CMYA5: variants seen among roughly 807,000 people sequenced by gnomAD.
CMYA5 encodes cardiomyopathy-associated protein 5.
CMYA5 carries 246 observed loss-of-function variants against 318.9 expected under a neutral mutation model. That is an observed-to-expected ratio of 0.77 (90% CI 0.70 to 0.86). The LOEUF (loss-of-function observed/expected upper bound fraction) is 0.86, where lower values mean the gene tolerates loss of function less well. CMYA5 is among the 40% of genes least tolerant of loss of function. The pLI is 0.00. For synonymous variants in CMYA5, 1,641 were observed against 1,729.5 expected, an observed-to-expected ratio of 0.95 and a Z score of 1.27; for missense variants, 4,589 against 4,678.2, an observed-to-expected ratio of 0.98 and a Z score of 0.56.
intron 9 of CMYA5, among the ~76,000 whole-genome samples, chr5:79,771,972 G>A (rs1386115355): frequency 1.3e-5 from 2 of 151,802 alleles, no homozygotes; most frequent in African/African-American, 4.8e-5. Flanking sequence ...ATCCCCTCTC[G>A]TTAATATTTT....
intron 9 of CMYA5, among the ~76,000 whole-genome samples, chr5:79,771,086 A>AT (rs1828848097): frequency 6.6e-6 from 1 of 150,800 alleles, no homozygotes. Flanking sequence ...AAAAAAAAAA[A>AT]CCAGACTTTT....
At chr5:79,798,799 G>C (rs1156455742) in intron 12 of CMYA5, among the ~76,000 whole-genome samples, 2 of 152,214 alleles carry the variant, frequency 1.3e-5, no homozygotes, top group Non-Finnish European at 2.9e-5. Flanking sequence ...AACCCCGCTG[G>C]TGGCAAGGCT....
intron 9 of CMYA5, among the ~76,000 whole-genome samples, chr5:79,772,142 C>T (rs772312885): frequency 2.0e-5 from 3 of 152,050 alleles, no homozygotes; most frequent in African/African-American, 2.4e-5. Context: ...GACCATCCAC[C>T]AATTTCATTA....
Position 79,738,340 on chromosome 5 carries a change from T to A in CMYA5, c.9575T>A (p.Leu3192Ter). The part of the protein sequence containing the change: ...FLEEPPALAF[L>*]YKDLYEEAVG... ...GAGGAGCCACCTGCACTTGCATTTT[T>A]ATATAAGGATCTGTATGAAGAAGCA... The change falls in exon 2 of 13, where the codon TTA becomes TAA. Residue 3192 changes from leucine (L) to a stop codon, truncating the protein, a stop_gained. Transcript: ENST00000446378. LOFTEE classifies it high-confidence loss of function. The A allele has an allele frequency of 6.2e-7, 1 of 1,613,742 alleles. No homozygotes were observed. The highest frequency in any genetic ancestry group is 1.1e-5 in the South Asian group (1 of 91,032).
chr5:79,799,329 G>A, intron 12 of CMYA5, 41 bp from the exon 13 acceptor site: 1 of 1,562,332 alleles, frequency 6.4e-7, no homozygotes, highest in Non-Finnish European at 8.7e-7. Context: ...AATTCCTTGA[G>A]ATTTCCAGAG....
rs112775484 is a variant in CMYA5, at chr5:79,759,739, A to G, written c.11260+837A>G. ...GCTTGGCGTCCTAACTCAGGTGCCC[A>G]ATTTGTAATCAGGAATGAATGGTAA... On this transcript the variant is annotated intron_variant, in intron 7 of 12. Transcript: ENST00000446378. 4.7e-3 allele frequency among the ~76,000 whole-genome samples: 718 copies of G among 152,312 alleles called. 1 individual carries two copies. Among genetic ancestry groups the G allele is most frequent in the African/African-American group, 0.016 (684 of 41,574 alleles).
chr5:79,767,022 G>A (rs1204045287), intron 9 of CMYA5, among the ~76,000 whole-genome samples: 1 of 152,132 alleles, frequency 6.6e-6, no homozygotes, highest in Non-Finnish European at 1.5e-5. Flanking sequence ...CTTCTTCCTG[G>A]TTTAGTCTTG....
At position 79,732,366 on chromosome 5, in the gene CMYA5, T is replaced by A. The variant is rs1450868321; in HGVS notation, c.3601T>A (p.Leu1201Met). ...AAAAGCTGCAGATGAACAGATGGCT[T>A]TGTCAAAAGTCAGAAAGGAAGAAAT... ...TLKAADEQMALSKVRKEEIVP... is the reference protein window; with the variant it reads ...TLKAADEQMAMSKVRKEEIVP... The change falls in exon 2 of 13, where the codon TTG becomes ATG. Residue 1201 changes from leucine to methionine, a missense_variant. This residue lies in a region of CMYA5 where 2,132 missense variants were observed against 2,131.3 expected (regional missense o/e 1.00). Coordinates refer to ENST00000446378, the MANE Select transcript of CMYA5 (RefSeq NM_153610.5). 6.2e-7 allele frequency: 1 copy of A among 1,613,598 alleles called. No homozygotes were observed. Among genetic ancestry groups the A allele is most frequent in the African/African-American group, 1.3e-5 (1 of 74,924 alleles).
In CMYA5 at chr5:79,733,353, C is replaced by G; in HGVS notation, c.4588C>G (p.Pro1530Ala). 1 of 1,613,514 alleles carries G rather than the reference C, an allele frequency of 6.2e-7. No homozygotes were observed. The highest frequency in any genetic ancestry group is 1.3e-5 in the African/African-American group (1 of 75,026). The change falls in exon 2 of 13, where the codon CCA becomes GCA. Residue 1530 changes from proline to alanine, a missense_variant. Around this residue, in one of 3 missense-constraint regions of CMYA5, gnomAD observed 2,132 missense variants for 2,131.3 expected, o/e 1.00. Coordinates refer to ENST00000446378, the MANE Select transcript of CMYA5 (RefSeq NM_153610.5). ...GGTGTTAGAGCCTGAACATGAGCTT[C>G]CACTCAGCCTATGGGGTGAGATAAA... Reference protein sequence around the residue: ...SEVLEPEHELPLSLWGEIKKK... With the variant: ...SEVLEPEHELALSLWGEIKKK...
At chr5:79,713,299 C>A (rs1438687485) in intron 1 of CMYA5, among the ~76,000 whole-genome samples, 1 of 97,554 alleles carries the variant, frequency 1.0e-5, no homozygotes, top group Non-Finnish European at 2.0e-5. Context: ...TGCACCCCGC[C>A]CCCACCCCCC....
intron 9 of CMYA5, chr5:79,763,500 A>G (rs1302178099): frequency 3.4e-5 from 11 of 328,084 alleles, no homozygotes; most frequent in Non-Finnish European, 6.2e-5. Flanking sequence ...ATTAGACAGG[A>G]TTTATGCATA....
Position 79,730,647 on chromosome 5 carries a change from G to A in CMYA5, c.1882G>A (p.Ala628Thr), listed in dbSNP as rs746313541. Residue 628 changes from alanine (A) to threonine (T), a missense_variant, in exon 2 of 13, where the codon GCA (alanine) becomes ACA (threonine). By Grantham distance (58) the Ala-to-Thr change is moderately conservative (BLOSUM62 0). Transcript: ENST00000446378. ...PSNVEAIAEH[A>T]VLSEEENEEF... ...CAATGTAGAAGCTATAGCTGAACATGCAGTTTTGTCAGAAGAAGAGAATGA... is the reference window on the plus strand; with the variant it reads ...CAATGTAGAAGCTATAGCTGAACATACAGTTTTGTCAGAAGAAGAGAATGA... 1 of 1,614,012 alleles carries A rather than the reference G, an allele frequency of 6.2e-7. No individual in the cohort carries two copies. The highest frequency in any genetic ancestry group is 8.5e-7 in the Non-Finnish European group (1 of 1,179,888).
intron 9 of CMYA5, among the ~76,000 whole-genome samples, chr5:79,781,704 A>C (rs1829018378): frequency 4.9e-5 from 3 of 61,660 alleles, no homozygotes; most frequent in Non-Finnish European, 7.5e-5. Flanking sequence ...TTATTTGCGT[A>C]GAGGTGTTTG....
intron 9 of CMYA5, among the ~76,000 whole-genome samples, chr5:79,784,461 C>CA (rs1303040736): frequency 2.0e-5 from 1 of 50,336 alleles, no homozygotes; most frequent in Non-Finnish European, 3.6e-5. Context: ...TCGAGCTTCC[C>CA]GGCTGCTTTG....
intron 12 of CMYA5, among the ~76,000 whole-genome samples, chr5:79,798,363 C>G (rs914515403): frequency 6.6e-6 from 1 of 152,114 alleles, no homozygotes; most frequent in Non-Finnish European, 1.5e-5. Context: ...CTCTCTTCTT[C>G]CATCTCTCAT....
chr5:79,744,054 T>C (rs1828271115), intron 3 of CMYA5, 132 bp downstream of exon 3: 4 of 521,934 alleles, frequency 7.7e-6, no homozygotes, highest in Admixed American at 3.8e-5. Context: ...TTCGGTTCCA[T>C]TCAAAGCGAG....
chr5:79,733,448 C>T lies in CMYA5; in HGVS notation c.4683C>T (p.Gly1561=). ...SPASKHIIPK[G]KDEETASSSP... Reference sequence around the variant, plus strand: ...CATCCAAACATATAATCCCAAAAGGCAAAGATGAGGAAACAGCAAGTTCAT... The same window carrying T: ...CATCCAAACATATAATCCCAAAAGGTAAAGATGAGGAAACAGCAAGTTCAT... The change falls in exon 2 of 13, where the codon GGC becomes GGT. Residue 1561 remains glycine, a synonymous_variant. Coordinates refer to ENST00000446378, the MANE Select transcript of CMYA5 (RefSeq NM_153610.5). 1 of 1,613,838 alleles carries T rather than the reference C, an allele frequency of 6.2e-7. No homozygotes were observed.
Position 79,733,065 on chromosome 5 carries a change from T to C in CMYA5, c.4300T>C (p.Leu1434=), listed in dbSNP as rs748995144. 1 of 1,613,478 alleles carries C rather than the reference T, an allele frequency of 6.2e-7. No homozygotes were observed. The highest frequency in any genetic ancestry group is 8.5e-7 in the Non-Finnish European group (1 of 1,179,704). Residue 1434 remains leucine (L), a synonymous_variant, in exon 2 of 13, where the codon TTA becomes CTA. Coordinates refer to ENST00000446378, the MANE Select transcript of CMYA5 (RefSeq NM_153610.5). ...TCCCATTGAAACTTCATCCAAACATTTAGCTTGGTCAGAAGCAGAGAAGGA... is the reference window on the plus strand; with the variant it reads ...TCCCATTGAAACTTCATCCAAACATCTAGCTTGGTCAGAAGCAGAGAAGGA... The part of the protein sequence containing the change: ...ASPIETSSKH[L]AWSEAEKEIK...
At chr5:79,754,134 A>G (rs924020376) in intron 6 of CMYA5, among the ~76,000 whole-genome samples, 8 of 152,162 alleles carry the variant, frequency 5.3e-5, no homozygotes, top group Admixed American at 1.3e-4. Context: ...CAGAGCCATA[A>G]ATGTTACTTT....
Sources: gnomAD v4.1 joint callset for allele counts (sites outside exome capture counted in the v4.1 genomes callset) on GRCh38, gnomAD v4.1.1 for gene constraint, gnomAD v4.1.1 regional missense constraint, MANE v1.5 for transcripts, NCBI Gene and HGNC (gene_info 2026-07-23, HGNC 2026-07-21) for gene names.